ARID1A: variants seen among roughly 807,000 people sequenced by gnomAD.
ARID1A encodes the protein AT-rich interaction domain 1A.
In ARID1A, 20 loss-of-function variants were observed where a neutral mutation model predicts 212.6. The ratio of observed to expected loss-of-function variants is 0.09; its 90% confidence interval spans 0.07 to 0.14. The LOEUF (loss-of-function observed/expected upper bound fraction) is 0.14, where lower values mean the gene tolerates loss of function less well. Among genes scored for constraint, ARID1A ranks in the 10% least tolerant of loss-of-function variants. The pLI is 1.00. For synonymous variants in ARID1A, 1,376 were observed against 1,222.1 expected (o/e 1.13, Z -2.63); for missense variants, 2,587 against 3,059.0 (o/e 0.85, Z 3.64).
chr1:26,747,158 C>T (rs1557600712), intron 4 of ARID1A, among the ~76,000 whole-genome samples: 1 of 152,150 alleles, frequency 6.6e-6, no homozygotes, highest in African/African-American at 2.4e-5. Flanking sequence ...GTGATGAAAT[C>T]GATATGTATT....
chr1:26,761,495 AG>A, intron 6 of ARID1A, 22 bp downstream of exon 6: 2 of 1,612,362 alleles, frequency 1.2e-6, no homozygotes, highest in Non-Finnish European at 1.7e-6. Flanking sequence ...GGTGTTGGGG[AG>A]GGGCAGGGAG....
At chr1:26,775,287 C>T (rs2124124830) in intron 18 of ARID1A, 67 bp downstream of exon 18, 2 of 1,507,036 alleles carry the variant, frequency 1.3e-6, no homozygotes, top group Non-Finnish European at 1.8e-6. Flanking sequence ...GTTCCCTCCA[C>T]CTTACTATTC....
chr1:26,775,452 C>A, intron 18 of ARID1A, 125 bp from the exon 19 acceptor site: 2 of 1,446,056 alleles, frequency 1.4e-6, no homozygotes, highest in Non-Finnish European at 1.8e-6. Context: ...TGTGTTTCAT[C>A]TCCCAGACAG....
rs528355086 is a variant in ARID1A at position 26,718,451 on chromosome 1, A to G, written c.1138-11200A>G. Among the ~76,000 whole-genome samples, 21 of 152,318 alleles carry G rather than the reference A, an allele frequency of 1.4e-4. 1 individual carries two copies. The South Asian group carries it at 4.1e-3, about 30-fold the overall frequency. On this transcript the variant is annotated intron_variant, in intron 1 of 19. Coordinates refer to ENST00000324856, the MANE Select transcript of ARID1A (RefSeq NM_006015.6). ...CTTATCTGTGCGGCGATATCTTCCA[A>G]GACCCCCAGTGGGTGCCTGAAAGTA...
chr1:26,700,332 A>G (rs561905477), intron 1 of ARID1A, among the ~76,000 whole-genome samples: 16 of 152,338 alleles, frequency 1.1e-4, no homozygotes, highest in Non-Finnish European at 1.2e-4. Context: ...GACTTAATTA[A>G]CACAGCTAAG....
At chr1:26,755,875 C>T (rs1000711144) in intron 4 of ARID1A, among the ~76,000 whole-genome samples, 5 of 151,874 alleles carry the variant, frequency 3.3e-5, no homozygotes, top group Non-Finnish European at 5.9e-5. Flanking sequence ...TCCCGAGTAA[C>T]TGGGACTGCA....
At chr1:26,721,960 G>A (rs550329045) in intron 1 of ARID1A, among the ~76,000 whole-genome samples, 1 of 152,240 alleles carries the variant, frequency 6.6e-6, no homozygotes, top group South Asian at 2.1e-4. Context: ...TCTAACCTTA[G>A]TGAGTTTTCT....
chr1:26,714,664 C>T (rs528019991), intron 1 of ARID1A, among the ~76,000 whole-genome samples: 4 of 152,258 alleles, frequency 2.6e-5, no homozygotes, highest in Admixed American at 2.0e-4. Context: ...ATCCACCTGC[C>T]TCTGCCTCCC....
intron 1 of ARID1A, among the ~76,000 whole-genome samples, chr1:26,720,367 G>A (rs1570565655): frequency 6.6e-6 from 1 of 151,978 alleles, no homozygotes; most frequent in South Asian, 2.1e-4. Flanking sequence ...CAACTGCTAG[G>A]GTGACTGTGG....
intron 4 of ARID1A, among the ~76,000 whole-genome samples, chr1:26,747,841 C>A (rs2080852224): frequency 1.3e-5 from 2 of 151,640 alleles, no homozygotes; most frequent in African/African-American, 2.4e-5. Context: ...CAGAGCAAGA[C>A]CCTATCTGAA....
Position 26,780,851 on chromosome 1 carries a change from A to C in ARID1A, c.*95A>C. 6.8e-7 allele frequency: 1 copy of C among 1,464,588 alleles called. No individual in the cohort carries two copies. The highest frequency in any genetic ancestry group is 1.3e-5 in the South Asian group (1 of 75,288). The allele number at this position is 1,464,588 out of a possible 1,614,324, so 90.7% of individuals were successfully genotyped here. ...CTTTATTTATGCAAAACCACCTCAG[A>C]ATCCAGTTTACCCTGTGCTGTCCAG... On this transcript the variant is annotated 3_prime_UTR_variant, in exon 20 of 20. Transcript: ENST00000324856. This position sits in a 1 kb window ranked among gnomAD's most constrained non-coding sequence, Gnocchi z 7.2.
At position 26,773,916 on chromosome 1, in the gene ARID1A, G is replaced by T; in HGVS notation, c.4101+18G>T. The T allele has an allele frequency of 6.2e-7, 1 of 1,611,028 alleles. No individual in the cohort carries two copies. Among genetic ancestry groups the T allele is most frequent in the Non-Finnish European group, 8.5e-7 (1 of 1,177,236 alleles). ...AACAGCAGGTGAGGAGGGTAGCTGG[G>T]AATGGACTGGCATGCAGGTTCGCCT... On this transcript the variant is annotated intron_variant, in intron 17 of 19. Transcript: ENST00000324856.
chr1:26,724,672 T>A (rs2080599657), intron 1 of ARID1A, among the ~76,000 whole-genome samples: 9 of 152,220 alleles, frequency 5.9e-5, no homozygotes, highest in Admixed American at 5.9e-4. Context: ...TTCAGCCGTT[T>A]TTGGGGGTCA....
At chr1:26,719,040 A>G (rs530748401) in intron 1 of ARID1A, among the ~76,000 whole-genome samples, 5 of 152,206 alleles carry the variant, frequency 3.3e-5, no homozygotes, top group African/African-American at 9.6e-5. Flanking sequence ...AATGGGGGGT[A>G]CTCCTGTAGA....
Position 26,774,134 on chromosome 1 carries a change from C to T in ARID1A, c.4102-195C>T, listed in dbSNP as rs1274645277. ...TTTTTAGGTTTTGTATATTTTTCTACTTAAGCAAGGGAAGGGAAGAAAGAG... is the reference window on the plus strand; with the variant it reads ...TTTTTAGGTTTTGTATATTTTTCTATTTAAGCAAGGGAAGGGAAGAAAGAG... On this transcript the variant is annotated intron_variant, in intron 17 of 19. Transcript: ENST00000324856. The surrounding 1 kb of genome is among the most constrained non-coding windows in gnomAD (Gnocchi z 5.6). The T allele has an allele frequency of 2.5e-6, 3 of 1,209,972 alleles. No individual in the cohort carries two copies. Among genetic ancestry groups the T allele is most frequent in the African/African-American group, 3.1e-5 (2 of 64,844 alleles). The allele number at this position is 1,209,972 out of a possible 1,614,324, so 75.0% of individuals were successfully genotyped here.
At chr1:26,715,546 CTAATTTTT>C (rs1458214611) in intron 1 of ARID1A, among the ~76,000 whole-genome samples, 1 of 152,144 alleles carries the variant, frequency 6.6e-6, no homozygotes, top group African/African-American at 2.4e-5. Flanking sequence ...GACAAATTTT[CTAATTTTT>C]GAGCATATAT....
At chr1:26,699,336 A>G (rs554108788) in intron 1 of ARID1A, among the ~76,000 whole-genome samples, 1 of 152,112 alleles carries the variant, frequency 6.6e-6, no homozygotes, top group Non-Finnish European at 1.5e-5. Context: ...GCTTTTGGTC[A>G]GGGATATTGA....
At chr1:26,731,721 T>A in intron 3 of ARID1A, 117 bp downstream of exon 3, 1 of 1,126,744 alleles carries the variant, frequency 8.9e-7, no homozygotes, top group South Asian at 1.5e-5. Context: ...AAAGACCAAT[T>A]AAACTCTGGG....
At chr1:26,698,900 G>A (rs925914439) in intron 1 of ARID1A, among the ~76,000 whole-genome samples, 1 of 152,132 alleles carries the variant, frequency 6.6e-6, no homozygotes, top group Non-Finnish European at 1.5e-5. Context: ...CAAGCGGTCT[G>A]TTTTAAGGAA....
Sources: allele counts gnomAD v4.1 joint callset (sites outside exome capture counted in the v4.1 genomes callset), GRCh38; gene constraint gnomAD v4.1.1; non-coding constraint Gnocchi (gnomAD v3.1); transcripts MANE v1.5; gene names NCBI Gene and HGNC (gene_info 2026-07-23, HGNC 2026-07-21).